ITFG2: variants seen among roughly 807,000 people sequenced by gnomAD.
The protein encoded by ITFG2 is integrin alpha FG-GAP repeat containing 2, also known as KICSTOR complex protein ITFG2.
In ITFG2, 36 loss-of-function variants were observed where a neutral mutation model predicts 54.4. That is an observed-to-expected ratio of 0.66 (90% confidence interval 0.51 to 0.87). ITFG2 has a LOEUF of 0.87. Ranked by LOEUF, ITFG2 falls within the 40% of genes least tolerant of loss-of-function variation. The probability of loss-of-function intolerance (pLI) is 0.00; values close to 1 mark genes in which losing one functional copy is unlikely to be tolerated. For synonymous variants in ITFG2, 211 were observed against 225.4 expected, an observed-to-expected ratio of 0.94 and a Z score of 0.57; for missense variants, 524 against 576.7, an observed-to-expected ratio of 0.91 and a Z score of 0.94.
chr12:2,842,523 G>T (rs2098043983), intron 2 of ITFG2, among the ~76,000 whole-genome samples: 1 of 152,072 alleles, frequency 6.6e-6, no homozygotes, highest in South Asian at 2.1e-4. Context: ...ATCACCTGAG[G>T]CCAGGAGTTT....
At chr12:2,827,941 A>G (rs2097977125), downstream of ITFG2, 1 of 1,614,146 alleles carries the variant, frequency 6.2e-7, no homozygotes, top group Non-Finnish European at 8.5e-7. This position sits in a 1 kb window ranked among gnomAD's most constrained non-coding sequence, Gnocchi z 4.0. Context: ...ACCTGTGCCG[A>G]GCACACCACA....
At chr12:2,841,339 G>A (rs773022997) in intron 2 of ITFG2, among the ~76,000 whole-genome samples, 1 of 152,186 alleles carries the variant, frequency 6.6e-6, no homozygotes, top group Non-Finnish European at 1.5e-5. Context: ...TCTCAGACTC[G>A]CCAGAGGGCT....
At chr12:2,849,274 T>A (rs1310757310) in intron 2 of ITFG2, 1 of 1,536,116 alleles carries the variant, frequency 6.5e-7, no homozygotes, top group South Asian at 1.2e-5. Flanking sequence ...TGCTGGGGAT[T>A]TGCTTGCTTG....
intron 2 of ITFG2, among the ~76,000 whole-genome samples, chr12:2,843,120 C>T (rs994064983): frequency 2.6e-5 from 4 of 152,158 alleles, no homozygotes; most frequent in Non-Finnish European, 5.9e-5. Flanking sequence ...AGGAAATTCC[C>T]GGAATATTCT....
rs371786695 is a variant in ITFG2, at chr12:2,816,541, G to A, written c.97-682G>A. Among the ~76,000 whole-genome samples, 47 of 151,908 alleles carry A rather than the reference G, an allele frequency of 3.1e-4. No individual in the cohort carries two copies. In the South Asian group the frequency reaches 8.5e-3, roughly 28 times the overall value. On this transcript the variant is annotated intron_variant, in intron 1 of 11. Transcript: ENST00000228799. ...AAACAGGGTTTCACTGTGTTAGCTA[G>A]GATGGTCTCAATCTCCTGACCTCAT...
chr12:2,838,122 A>T (rs1002669113), intron 1 of ITFG2, among the ~76,000 whole-genome samples: 1 of 152,144 alleles, frequency 6.6e-6, no homozygotes, highest in Non-Finnish European at 1.5e-5. Flanking sequence ...CTTGGGATAG[A>T]GGTCAAAGAG....
chr12:2,844,418 G>A (rs943821000), intron 2 of ITFG2, among the ~76,000 whole-genome samples: 10 of 152,096 alleles, frequency 6.6e-5, no homozygotes, highest in Non-Finnish European at 1.2e-4. Flanking sequence ...GCTGAGCATA[G>A]CGGTGTGCGC....
chr12:2,846,579 C>T (rs771777690), intron 2 of ITFG2, among the ~76,000 whole-genome samples: 2 of 152,018 alleles, frequency 1.3e-5, no homozygotes, highest in African/African-American at 2.4e-5. Flanking sequence ...GGTTGTTAGG[C>T]GTGTTTTCTA....
In ITFG2 at chr12:2,824,232, C is replaced by G. The variant is rs554535016; in HGVS notation, c.*39C>G. The G allele has an allele frequency of 5.0e-5, 79 of 1,575,638 alleles. No homozygotes were observed. The highest frequency in any genetic ancestry group is 1.8e-4 in the Admixed American group (11 of 59,958). On this transcript the variant is annotated 3_prime_UTR_variant, in exon 12 of 12. Coordinates refer to ENST00000228799, the MANE Select transcript of ITFG2 (RefSeq NM_018463.4). ...ATAGCTGGTGAAGGATTCTTCTGAACCCCCACCCTACCCCCTAAAGGTATC... is the reference window on the plus strand; with the variant it reads ...ATAGCTGGTGAAGGATTCTTCTGAAGCCCCACCCTACCCCCTAAAGGTATC...
downstream of ITFG2, chr12:2,827,260 C>A: frequency 6.2e-7 from 1 of 1,614,064 alleles, no homozygotes; most frequent in Non-Finnish European, 8.5e-7. This position sits in a 1 kb window ranked among gnomAD's most constrained non-coding sequence, Gnocchi z 4.0. Flanking sequence ...GAGAACGGGG[C>A]TTTCAGCCGC....
rs749128121 is a variant in ITFG2, at chr12:2,822,819, CA to C, written c.975del (p.Cys326AlafsTer70). On this transcript the variant is annotated frameshift_variant, in exon 10 of 12. Transcript: ENST00000228799. LOFTEE classifies it high-confidence loss of function. ...GGCAACGGGCATGAGGAGGTAGTTGCATGCGCCTGGGATGGACAGACATATA... is the reference window on the plus strand; with the variant it reads ...GGCAACGGGCATGAGGAGGTAGTTGCTGCGCCTGGGATGGACAGACATATA... ...VTGNGHEEVV[A>X]CAWDGQTYII... The C allele has an allele frequency of 6.2e-7, 1 of 1,614,162 alleles. No individual in the cohort carries two copies. The highest frequency in any genetic ancestry group is 8.5e-7 in the Non-Finnish European group (1 of 1,180,006).
In ITFG2 at chr12:2,830,775, A is replaced by C. The variant is rs771809132; in HGVS notation, c.*60-59A>C. 3.1e-6 allele frequency: 5 copies of C among 1,613,906 alleles called. No individual in the cohort carries two copies. The Admixed American group carries it at 8.3e-5, about 27-fold the overall frequency. On this transcript the variant is annotated intron_variant and NMD_transcript_variant, in intron 2 of 2. Transcript: ENST00000538822. ...CTTCCTCCTGCTCTCCTGGCCATGA[A>C]TCAGGTCCTGCATCCGGGGAGGCTC...
At position 2,845,413 on chromosome 12, in the gene ITFG2, G is replaced by A. The variant is rs2098051068; in HGVS notation, n.300+4418G>A. Among the ~76,000 whole-genome samples the A allele has an allele frequency of 6.6e-6, 1 of 152,174 alleles. No individual in the cohort carries two copies. The highest frequency in any genetic ancestry group is 1.5e-5 in the Non-Finnish European group (1 of 68,028). On this transcript the variant is annotated intron_variant and non_coding_transcript_variant, in intron 2 of 3. Transcript: ENST00000537710. This position sits in a 1 kb window ranked among gnomAD's most constrained non-coding sequence, Gnocchi z 4.2. The stretch of plus-strand genomic sequence containing the variant: ...CCCCCAGGGGTTCCCAGTCCCCACA[G>A]CTTCCCGACTCCCTGGCCCCAGCCA...
chr12:2,842,845 A>G (rs547569997), intron 2 of ITFG2, among the ~76,000 whole-genome samples: 94 of 152,268 alleles, frequency 6.2e-4, no homozygotes, highest in Non-Finnish European at 1.1e-3. Context: ...ATAGAATCTC[A>G]ATTCTCTCAG....
Position 2,822,819 on chromosome 12 carries a change from C to G in ITFG2, c.974C>G (p.Ala325Gly), listed in dbSNP as rs1565417033. The G allele has an allele frequency of 6.2e-7, 1 of 1,614,162 alleles. No homozygotes were observed. Among genetic ancestry groups the G allele is most frequent in the South Asian group, 1.1e-5 (1 of 91,084 alleles). ...GGCAACGGGCATGAGGAGGTAGTTG[C>G]ATGCGCCTGGGATGGACAGACATAT... ...VTGNGHEEVVACAWDGQTYII... is the reference protein window; with the variant it reads ...VTGNGHEEVVGCAWDGQTYII... Residue 325 changes from alanine (A) to glycine (G), a missense_variant, in exon 10 of 12, where the codon GCA becomes GGA. Physicochemically the swap from Ala to Gly is moderately conservative, Grantham distance 60 (BLOSUM62 0). Transcript: ENST00000228799.
downstream of ITFG2, chr12:2,827,291 G>C (rs780917168): frequency 3.1e-6 from 5 of 1,613,652 alleles, no homozygotes; most frequent in Admixed American, 3.3e-5. The surrounding 1 kb of genome is among the most constrained non-coding windows in gnomAD (Gnocchi z 4.0). Context: ...GCTCCAGGTC[G>C]ATGCAGCACT....
intron 2 of ITFG2, among the ~76,000 whole-genome samples, chr12:2,850,913 T>C (rs1000318680): frequency 2.0e-5 from 3 of 151,564 alleles, no homozygotes; most frequent in Non-Finnish European, 4.4e-5. Context: ...CTCAAGTGAT[T>C]CGCCCGCCTT....
At chr12:2,829,992 G>A (rs1215804035), downstream of ITFG2, among the ~76,000 whole-genome samples, 17 of 151,330 alleles carry the variant, frequency 1.1e-4, no homozygotes, top group Middle Eastern at 3.2e-3. Flanking sequence ...CAGGAGAATC[G>A]CTTGAACCCA....
intron 2 of ITFG2, chr12:2,830,647 G>T (rs2097996681): frequency 6.6e-7 from 1 of 1,520,144 alleles, no homozygotes; most frequent in African/African-American, 1.4e-5. Context: ...AGAAAGGAGA[G>T]CAGGTGAAGT....
Sources: gnomAD v4.1 joint callset for allele counts (sites outside exome capture counted in the v4.1 genomes callset) on GRCh38, gnomAD v4.1.1 for gene constraint, Gnocchi (gnomAD v3.1) non-coding constraint, MANE v1.5 for transcripts, NCBI Gene and HGNC (gene_info 2026-07-23, HGNC 2026-07-21) for gene names.